Variants in PDE11A observed in about 807,000 individuals in gnomAD.
PDE11A encodes phosphodiesterase 11A, also known as dual 3',5'-cyclic-AMP and -GMP phosphodiesterase 11A.
Under a neutral mutation model 100.5 loss-of-function variants are expected in PDE11A, and 100 were observed. The ratio of observed to expected loss-of-function variants is 1.00; its 90% CI spans 0.85 to 1.18. The LOEUF (loss-of-function observed/expected upper bound fraction) is 1.18. Ranked by LOEUF, PDE11A falls within the 50% of genes most tolerant of loss-of-function variation. The probability of loss-of-function intolerance (pLI) is 0.00; values close to 1 mark genes in which losing one functional copy is unlikely to be tolerated. For synonymous variants in PDE11A, 381 were observed against 420.8 expected, an observed-to-expected ratio of 0.91 and a Z score of 1.16; for missense variants, 1,141 against 1,152.6, an observed-to-expected ratio of 0.99 and a Z score of 0.15.
chr2:177,655,967 A>G (rs1653477956), intron 19 of PDE11A, among the ~76,000 whole-genome samples: 2 of 152,216 alleles, frequency 1.3e-5, no homozygotes, highest in South Asian at 4.1e-4. Flanking sequence ...AATGCTGGAT[A>G]AAAGAAAATT....
intron 19 of PDE11A, among the ~76,000 whole-genome samples, chr2:177,648,261 G>A (rs541840619): frequency 2.0e-5 from 3 of 152,274 alleles, no homozygotes; most frequent in Admixed American, 1.3e-4. Context: ...TGGAAGACCC[G>A]GTAGAAGGTA....
At chr2:177,945,613 C>T (rs1331233852) in intron 2 of PDE11A, among the ~76,000 whole-genome samples, 1 of 150,574 alleles carries the variant, frequency 6.6e-6, no homozygotes, top group African/African-American at 2.4e-5. Context: ...TGAGGAGCCC[C>T]TCCGCCCGGC....
chr2:177,889,296 A>C (rs1426820964), intron 4 of PDE11A, among the ~76,000 whole-genome samples: 2 of 152,192 alleles, frequency 1.3e-5, no homozygotes, highest in Admixed American at 6.5e-5. Context: ...CCTGCAATAG[A>C]TGCTTTGATT....
In PDE11A at chr2:177,816,870, G is replaced by A; in HGVS notation, c.1696C>T (p.Gln566Ter). 1 of 1,610,680 alleles carries A rather than the reference G, an allele frequency of 6.2e-7. No homozygotes were observed. The highest frequency in any genetic ancestry group is 8.5e-7 in the Non-Finnish European group (1 of 1,177,008). Reference protein sequence around the residue: ...LGINNTIMYDQVKKSWAKQSV... With the variant: ...LGINNTIMYD Reference sequence around the variant, plus strand: ...TGCTTGGCCCAGGACTTCTTCACTTGATCATACATAATTGTGTTGTTGATG... The same window carrying A: ...TGCTTGGCCCAGGACTTCTTCACTTAATCATACATAATTGTGTTGTTGATG... The change falls in exon 9 of 20, where the codon CAA (glutamine) becomes TAA (stop). Residue 566 changes from glutamine (Q) to a stop codon, truncating the protein, a stop_gained. Coordinates refer to ENST00000286063, the MANE Select transcript of PDE11A (RefSeq NM_016953.4). LOFTEE classifies it high-confidence loss of function.
At chr2:177,812,511 T>C (rs1009158189) in intron 9 of PDE11A, among the ~76,000 whole-genome samples, 1 of 152,168 alleles carries the variant, frequency 6.6e-6, no homozygotes, top group African/African-American at 2.4e-5. Context: ...CAAAGTAACA[T>C]GTAAAGAAAT....
chr2:177,977,223 A>G (rs1408969578), intron 2 of PDE11A, among the ~76,000 whole-genome samples: 1 of 99,208 alleles, frequency 1.0e-5, no homozygotes, highest in Non-Finnish European at 2.1e-5. Context: ...CCTTAAGCTG[A>G]TAAGCAACTT....
intron 15 of PDE11A, among the ~76,000 whole-genome samples, chr2:177,691,962 A>G (rs2081046560): frequency 6.6e-6 from 1 of 152,184 alleles, no homozygotes; most frequent in Non-Finnish European, 1.5e-5. Context: ...CCTTTTGAAA[A>G]TCCACTTGTA....
At chr2:178,018,369 T>TTGGCACACTTGACTTTAAC (rs372235652) in intron 1 of PDE11A, 10 of 372,472 alleles carry the variant, frequency 2.7e-5, no homozygotes, top group South Asian at 2.1e-4. Flanking sequence ...AGGCAGGCCT[T>TTGGCACACTTGACTTTAAC]TTGGCACACT....
chr2:177,933,068 C>CCACACAAA (rs2085227681), intron 2 of PDE11A, among the ~76,000 whole-genome samples: 1 of 146,898 alleles, frequency 6.8e-6, no homozygotes, highest in South Asian at 2.2e-4. Context: ...TTTACAATAG[C>CCACACAAA]CACACACACA....
chr2:177,856,899 GA>G (rs1193057619), intron 5 of PDE11A, among the ~76,000 whole-genome samples: 3 of 152,074 alleles, frequency 2.0e-5, no homozygotes, highest in Admixed American at 6.6e-5. Context: ...AATAATGGTT[GA>G]AAACTTCCCA....
chr2:177,663,766 A>G, intron 19 of PDE11A, 100 bp downstream of exon 19: 3 of 771,216 alleles, frequency 3.9e-6, no homozygotes, highest in Admixed American at 3.7e-5. Flanking sequence ...CGCAATGTGC[A>G]TACCCTGGAA....
At chr2:178,030,490 C>T (rs2086531438) in intron 1 of PDE11A, among the ~76,000 whole-genome samples, 1 of 151,892 alleles carries the variant, frequency 6.6e-6, no homozygotes, top group South Asian at 2.1e-4. Flanking sequence ...TAATTTATTA[C>T]AAACTATTCC....
chr2:177,990,523 A>T (rs1320595209), intron 2 of PDE11A, among the ~76,000 whole-genome samples: 1 of 151,840 alleles, frequency 6.6e-6, no homozygotes, highest in Non-Finnish European at 1.5e-5. Context: ...GGGGATCACA[A>T]GGTCAGGAAT....
At chr2:177,969,186 C>T (rs538160644) in intron 2 of PDE11A, among the ~76,000 whole-genome samples, 47 of 152,224 alleles carry the variant, frequency 3.1e-4, no homozygotes, top group African/African-American at 1.1e-3. Context: ...CCAAACACCA[C>T]ATGTTCTCAT....
chr2:178,018,979 C>A (rs1056722067), intron 1 of PDE11A, among the ~76,000 whole-genome samples: 1 of 152,172 alleles, frequency 6.6e-6, no homozygotes, highest in African/African-American at 2.4e-5. Flanking sequence ...TATATATGAG[C>A]TTTTGCATCT....
intron 5 of PDE11A, among the ~76,000 whole-genome samples, chr2:177,875,418 C>A (rs2084216549): frequency 1.3e-5 from 2 of 151,872 alleles, no homozygotes; most frequent in South Asian, 2.1e-4. Flanking sequence ...CGCTCTGTCA[C>A]CCAGGCTGGA....
chr2:177,766,424 C>T (rs931989645), intron 10 of PDE11A, among the ~76,000 whole-genome samples: 4 of 152,100 alleles, frequency 2.6e-5, no homozygotes, highest in Admixed American at 1.3e-4. Flanking sequence ...TGAAATCTCA[C>T]GGATAACTGA....
intron 1 of PDE11A, among the ~76,000 whole-genome samples, chr2:178,071,278 G>T (rs900376150): frequency 2.0e-5 from 3 of 152,198 alleles, no homozygotes; most frequent in African/African-American, 2.4e-5. Flanking sequence ...AAAGTGTCTT[G>T]ACAGAGAAAT....
chr2:177,838,492 T>A (rs1261987353), intron 6 of PDE11A, among the ~76,000 whole-genome samples: 1 of 152,204 alleles, frequency 6.6e-6, no homozygotes, highest in African/African-American at 2.4e-5. Flanking sequence ...TATCGTTCCT[T>A]CTCCAAAGAG....
Sources: gnomAD v4.1 joint callset for allele counts (sites outside exome capture counted in the v4.1 genomes callset) on GRCh38, gnomAD v4.1.1 for gene constraint, MANE v1.5 for transcripts, NCBI Gene and HGNC (gene_info 2026-07-23, HGNC 2026-07-21) for gene names.